Variants in BAZ1A observed in about 807,000 individuals in gnomAD.
BAZ1A encodes bromodomain adjacent to zinc finger domain protein 1A.
A neutral mutation model predicts 185.2 loss-of-function variants in BAZ1A; 50 were observed. That is an observed-to-expected ratio of 0.27 (90% CI 0.22 to 0.34). BAZ1A has a LOEUF of 0.34. Among genes scored for constraint, BAZ1A ranks in the 10% least tolerant of loss-of-function variants. BAZ1A has a pLI of 1.00. For synonymous variants in BAZ1A, 571 were observed against 615.6 expected, an observed-to-expected ratio of 0.93 and a Z score of 1.07; for missense variants, 1,356 against 1,839.9, an observed-to-expected ratio of 0.74 and a Z score of 4.81.
intron 7 of BAZ1A, among the ~76,000 whole-genome samples, 183 bp from the exon 8 acceptor site, chr14:34,801,376 C>CT (rs1184223714): frequency 6.6e-6 from 1 of 152,168 alleles, no homozygotes; most frequent in Non-Finnish European, 1.5e-5. Context: ...ACTGCAACCT[C>CT]TGCCTCCTGG....
At chr14:34,839,193 G>T (rs2042374163) in intron 3 of BAZ1A, among the ~76,000 whole-genome samples, 1 of 152,178 alleles carries the variant, frequency 6.6e-6, no homozygotes, top group African/African-American at 2.4e-5. Context: ...AATGAATTTT[G>T]TGGAGGTTCA....
chr14:34,765,750 T>C (rs1878797327), intron 21 of BAZ1A, among the ~76,000 whole-genome samples: 1 of 152,116 alleles, frequency 6.6e-6, no homozygotes, highest in South Asian at 2.1e-4. Flanking sequence ...AAAATGGATT[T>C]TTCAGCACTA....
At chr14:34,840,674 C>T (rs1270544941) in intron 3 of BAZ1A, among the ~76,000 whole-genome samples, 2 of 151,994 alleles carry the variant, frequency 1.3e-5, no homozygotes, top group African/African-American at 4.8e-5. Flanking sequence ...TGGAGAATCG[C>T]TTGACCCAGG....
At chr14:34,843,977 G>A (rs1312669122) in intron 3 of BAZ1A, among the ~76,000 whole-genome samples, 15 of 150,778 alleles carry the variant, frequency 9.9e-5, no homozygotes, top group Admixed American at 2.0e-4. Flanking sequence ...AGGCCGAGGC[G>A]GGCGGATCAC....
chr14:34,776,210 C>A lies in BAZ1A; in HGVS notation c.2542G>T (p.Val848Leu). ...LPRPSSFQNN[V>L]QSQDPQVSTK... Reference sequence around the variant, plus strand: ...GATACCTGAGGATCTTGAGACTGTACATTATTCTGAAATGATGAAGGTCTA... The same window carrying A: ...GATACCTGAGGATCTTGAGACTGTAAATTATTCTGAAATGATGAAGGTCTA... The change falls in exon 18 of 27, where the codon GTA becomes TTA. Residue 848 changes from valine to leucine, a missense_variant. By Grantham distance (32) the Val-to-Leu change is conservative. This residue lies in a region of BAZ1A where 434 missense variants were observed against 561.7 expected (regional missense o/e 0.77). Coordinates refer to ENST00000360310, the MANE Select transcript of BAZ1A (RefSeq NM_013448.3). 1 of 1,614,172 alleles carries A rather than the reference C, an allele frequency of 6.2e-7. No individual in the cohort carries two copies. The highest frequency in any genetic ancestry group is 8.5e-7 in the Non-Finnish European group (1 of 1,180,036).
chr14:34,783,952 T>C (rs201125506), intron 14 of BAZ1A, 25 bp from the exon 15 acceptor site: 23 of 1,559,266 alleles, frequency 1.5e-5, no homozygotes, highest in Non-Finnish European at 2.0e-5. Flanking sequence ...TAAATACTTC[T>C]GTATTATAAA....
intron 4 of BAZ1A, among the ~76,000 whole-genome samples, chr14:34,812,091 T>C (rs78058945): frequency 0.012 from 1,797 of 151,816 alleles, 36 homozygotes; most frequent in African/African-American, 0.041. Context: ...CAAAAACACA[T>C]ACAACAGGAG....
At chr14:34,825,282 T>C (rs2042149760) in intron 4 of BAZ1A, among the ~76,000 whole-genome samples, 1 of 151,694 alleles carries the variant, frequency 6.6e-6, no homozygotes, top group Non-Finnish European at 1.5e-5. Context: ...GGTGAAACCC[T>C]GTCACTACTA....
chr14:34,767,234 C>A (rs1274900689), intron 21 of BAZ1A, among the ~76,000 whole-genome samples: 2 of 152,130 alleles, frequency 1.3e-5, no homozygotes, highest in Admixed American at 1.3e-4. Flanking sequence ...CTCTCCCTGT[C>A]AACTATCCAA....
intron 4 of BAZ1A, among the ~76,000 whole-genome samples, chr14:34,819,012 G>T (rs1289840601): frequency 1.3e-5 from 2 of 151,632 alleles, no homozygotes; most frequent in South Asian, 2.1e-4. Flanking sequence ...GTGGTGGCAG[G>T]CGCCTGTAGT....
At chr14:34,760,299 T>G (rs1176520468) in intron 24 of BAZ1A, among the ~76,000 whole-genome samples, 1 of 152,134 alleles carries the variant, frequency 6.6e-6, no homozygotes, top group Admixed American at 6.5e-5. Flanking sequence ...GCAAAACAGA[T>G]AAGTGGATAG....
At position 34,788,707 on chromosome 14, in the gene BAZ1A, C is replaced by T. The variant is rs372915888; in HGVS notation, c.1511-2486G>A. On this transcript the variant is annotated intron_variant, in intron 12 of 26. Coordinates refer to ENST00000360310, the MANE Select transcript of BAZ1A (RefSeq NM_013448.3). ...AATATAAAAGAGATAAAAGATGCTC[C>T]TCCTAAAGTGAGATATGGAGATGAG... Among the ~76,000 whole-genome samples the T allele has an allele frequency of 3.8e-4, 58 of 152,202 alleles. No individual in the cohort carries two copies. In the South Asian group the frequency reaches 0.012, roughly 32 times the overall value.
chr14:34,837,609 T>G (rs1000769742), intron 3 of BAZ1A, among the ~76,000 whole-genome samples: 7 of 152,200 alleles, frequency 4.6e-5, no homozygotes, highest in African/African-American at 1.2e-4. Context: ...TCTAATTAGT[T>G]TCCAAATATC....
chr14:34,792,794 T>C lies in BAZ1A; in HGVS notation c.1491A>G (p.Leu497=). 6.2e-7 allele frequency: 1 copy of C among 1,613,966 alleles called. No homozygotes were observed. Among genetic ancestry groups the C allele is most frequent in the Non-Finnish European group, 8.5e-7 (1 of 1,179,968 alleles). ...EEEEEVAKEQ[L]TDADTKDLTE... ...TCTGACCTTTGGTGTCAGCATCAGT[T>C]AGTTGCTCTTTGGCTACTTCCTCTT... The change falls in exon 12 of 27, where the codon CTA becomes CTG. Residue 497 remains leucine (L), a synonymous_variant. Coordinates refer to ENST00000360310, the MANE Select transcript of BAZ1A (RefSeq NM_013448.3).
chr14:34,801,000 GA>G, intron 8 of BAZ1A, 93 bp downstream of exon 8: 1 of 847,254 alleles, frequency 1.2e-6, no homozygotes, highest in Non-Finnish European at 1.8e-6. Flanking sequence ...CAATTAACCA[GA>G]AACATGCCAT....
At chr14:34,757,792 T>C (rs908052917) in intron 25 of BAZ1A, among the ~76,000 whole-genome samples, 4 of 148,316 alleles carry the variant, frequency 2.7e-5, no homozygotes, top group African/African-American at 1.0e-4. Flanking sequence ...CAGCCTGGAG[T>C]GTGGACTGCA....
intron 6 of BAZ1A, among the ~76,000 whole-genome samples, chr14:34,804,180 G>A (rs1327068173): frequency 6.6e-6 from 1 of 152,070 alleles, no homozygotes; most frequent in African/African-American, 2.4e-5. Context: ...GCTAATTTTT[G>A]TATTTTTAGT....
chr14:34,853,523 G>T (rs552134339), intron 3 of BAZ1A, among the ~76,000 whole-genome samples: 1 of 152,214 alleles, frequency 6.6e-6, no homozygotes, highest in Non-Finnish European at 1.5e-5. Context: ...AGTGATTCAC[G>T]CCTGTAATCC....
At chr14:34,860,837 A>C (rs989918090) in intron 3 of BAZ1A, among the ~76,000 whole-genome samples, 1 of 151,792 alleles carries the variant, frequency 6.6e-6, no homozygotes. Context: ...GGTGGAGGTT[A>C]CAGTGAACCG....
Sources: allele counts gnomAD v4.1 joint callset (sites outside exome capture counted in the v4.1 genomes callset), GRCh38; gene constraint gnomAD v4.1.1; regional missense constraint gnomAD v4.1.1; transcripts MANE v1.5; gene names NCBI Gene and HGNC (gene_info 2026-07-23, HGNC 2026-07-21).